PCDH15: variants seen among roughly 807,000 people sequenced by gnomAD.
The protein encoded by PCDH15 is protocadherin related 15.
In PCDH15, 129 loss-of-function variants were observed where a neutral mutation model predicts 178.5. The ratio of observed to expected loss-of-function variants is 0.72; its 90% CI spans 0.63 to 0.84. PCDH15 has a LOEUF of 0.84. PCDH15 is among the 40% of genes least tolerant of loss of function. The pLI is 0.00. For synonymous variants in PCDH15, 800 were observed against 732.0 expected, an observed-to-expected ratio of 1.09 and a Z score of -1.50; for missense variants, 2,230 against 2,099.9, an observed-to-expected ratio of 1.06 and a Z score of -1.21.
chr10:55,079,072 A>G (rs1768651054), intron 2 of PCDH15, among the ~76,000 whole-genome samples: 2 of 152,084 alleles, frequency 1.3e-5, no homozygotes, highest in African/African-American at 4.8e-5. Flanking sequence ...ATCAATATTT[A>G]GAATCCTTTT....
intron 2 of PCDH15, among the ~76,000 whole-genome samples, chr10:55,403,109 G>T (rs1049162434): frequency 4.6e-5 from 7 of 151,910 alleles, no homozygotes; most frequent in African/African-American, 1.7e-4. Flanking sequence ...GTCTTCTTTT[G>T]AAGTGATGTT....
At chr10:54,991,789 T>C (rs921359519) in intron 2 of PCDH15, among the ~76,000 whole-genome samples, 2 of 152,160 alleles carry the variant, frequency 1.3e-5, no homozygotes, top group Admixed American at 6.5e-5. Flanking sequence ...AACTGATGTC[T>C]TTTTACAAAC....
At chr10:55,259,734 C>A (rs1181455355) in intron 1 of PCDH15, among the ~76,000 whole-genome samples, 1 of 151,526 alleles carries the variant, frequency 6.6e-6, no homozygotes, top group Non-Finnish European at 1.5e-5. Flanking sequence ...GAAACCCCGT[C>A]TCTACTAAAA....
chr10:53,882,832 T>G (rs528390818), intron 26 of PCDH15, among the ~76,000 whole-genome samples: 1 of 152,318 alleles, frequency 6.6e-6, no homozygotes, highest in East Asian at 1.9e-4. Flanking sequence ...CTGTATTATG[T>G]GTAAAGATGA....
At chr10:54,222,640 C>T (rs2052970115) in intron 9 of PCDH15, among the ~76,000 whole-genome samples, 1 of 152,080 alleles carries the variant, frequency 6.6e-6, no homozygotes, top group African/African-American at 2.4e-5. Context: ...ACATTTTCAC[C>T]AACACTTGAT....
intron 26 of PCDH15, among the ~76,000 whole-genome samples, chr10:53,883,372 T>C (rs916791035): frequency 2.0e-5 from 3 of 152,300 alleles, no homozygotes; most frequent in Admixed American, 6.5e-5. Flanking sequence ...AATATCATAA[T>C]GATCAGGTAA....
chr10:55,275,189 A>C (rs1564957961), intron 1 of PCDH15, among the ~76,000 whole-genome samples: 1 of 151,862 alleles, frequency 6.6e-6, no homozygotes, highest in Non-Finnish European at 1.5e-5. Flanking sequence ...TATTTTTTCA[A>C]ATTTATTCAT....
chr10:54,358,451 A>G (rs1945408887), intron 5 of PCDH15, among the ~76,000 whole-genome samples: 1 of 152,184 alleles, frequency 6.6e-6, no homozygotes, highest in Admixed American at 6.5e-5. Flanking sequence ...GCAACTCAAA[A>G]CCACAATGAG....
intron 15 of PCDH15, 27 bp downstream of exon 15, chr10:54,132,848 C>T: frequency 6.3e-7 from 1 of 1,594,036 alleles, no homozygotes; most frequent in South Asian, 1.1e-5. Flanking sequence ...TATACACACA[C>T]ACACACACAC....
chr10:55,239,965 T>C (rs963371356), intron 1 of PCDH15, among the ~76,000 whole-genome samples: 2 of 152,044 alleles, frequency 1.3e-5, no homozygotes, highest in African/African-American at 2.4e-5. Context: ...ATCAGAGCAA[T>C]GCAAATCAAA....
intron 2 of PCDH15, among the ~76,000 whole-genome samples, chr10:55,326,749 C>T (rs891276876): frequency 7.2e-5 from 11 of 151,766 alleles, no homozygotes; most frequent in African/African-American, 2.7e-4. Context: ...CTAACACATA[C>T]CTAACAGAAA....
intron 8 of PCDH15, among the ~76,000 whole-genome samples, chr10:54,258,268 A>G (rs1208678293): frequency 2.0e-5 from 3 of 152,214 alleles, no homozygotes; most frequent in African/African-American, 7.2e-5. Context: ...TGTTTTGCTG[A>G]CAGAGAAGGA....
In PCDH15 at chr10:54,223,901, C is replaced by T. The variant is rs368526608; in HGVS notation, c.986-9853G>A. On this transcript the variant is annotated intron_variant, in intron 9 of 37. Coordinates refer to ENST00000644397, the MANE Select transcript of PCDH15 (RefSeq NM_001384140.1). ...AGTCCTTTCAATAAATTTCCTTAAA[C>T]GCCAAGATGAACTTAAGTTCACCTC... 1.1e-4 allele frequency among the ~76,000 whole-genome samples: 16 copies of T among 152,096 alleles called. 1 individual carries two copies. The highest frequency in any genetic ancestry group is 7.7e-4 in the East Asian group (4 of 5,184).
At chr10:53,891,935 C>T (rs2081582877) in intron 26 of PCDH15, among the ~76,000 whole-genome samples, 1 of 151,730 alleles carries the variant, frequency 6.6e-6, no homozygotes, top group African/African-American at 2.4e-5. Flanking sequence ...TGCCAATGCA[C>T]TCCACCCTGG....
At position 54,099,498 on chromosome 10, in the gene PCDH15, C is replaced by CAAAAAAAAAA. The variant is rs755057091; in HGVS notation, c.1918-9445_1918-9436dup. Among the ~76,000 whole-genome samples the CAAAAAAAAAA allele has an allele frequency of 1.2e-3, 60 of 49,846 alleles. 2 individuals are homozygous for CAAAAAAAAAA. Among genetic ancestry groups the CAAAAAAAAAA allele is most frequent in the African/African-American group, 4.2e-3 (35 of 8,388 alleles). The allele number at this position is 49,846 out of a possible 152,430, so 32.7% of individuals were successfully genotyped here. On this transcript the variant is annotated intron_variant, in intron 15 of 37. Transcript: ENST00000644397. ...TCAGCGACAGAGCGAGACTCCATCT[C>CAAAAAAAAAA]AAAAAAAAAAAAAAAATATATATAT...
At chr10:54,997,913 A>G (rs1012740378) in intron 2 of PCDH15, among the ~76,000 whole-genome samples, 6 of 152,156 alleles carry the variant, frequency 3.9e-5, no homozygotes. Context: ...TTTCCAATTA[A>G]GAAAGGGTTA....
At chr10:54,443,432 G>C (rs1395574746) in intron 3 of PCDH15, among the ~76,000 whole-genome samples, 1 of 151,160 alleles carries the variant, frequency 6.6e-6, no homozygotes, top group African/African-American at 2.4e-5. Flanking sequence ...CTATGTGCCA[G>C]AAAATGTACT....
At chr10:55,448,419 G>GA (rs1242008565) in intron 2 of PCDH15, among the ~76,000 whole-genome samples, 1 of 151,832 alleles carries the variant, frequency 6.6e-6, no homozygotes, top group Non-Finnish European at 1.5e-5. Flanking sequence ...CATATCCTGG[G>GA]AAAATGTGTG....
intron 2 of PCDH15, among the ~76,000 whole-genome samples, chr10:55,078,004 G>C (rs1841951349): frequency 6.6e-6 from 1 of 152,104 alleles, no homozygotes. Context: ...TTGTAGGACT[G>C]GTCTGGTTGT....
Sources: allele counts gnomAD v4.1 joint callset (sites outside exome capture counted in the v4.1 genomes callset), GRCh38; gene constraint gnomAD v4.1.1; transcripts MANE v1.5; gene names NCBI Gene and HGNC (gene_info 2026-07-23, HGNC 2026-07-21).